SLC2A11: variants seen among roughly 807,000 people sequenced by gnomAD.
SLC2A11 encodes solute carrier family 2 member 11.
In SLC2A11, 43 loss-of-function variants were observed where a neutral mutation model predicts 52.1. That is an observed-to-expected ratio of 0.82 (90% CI 0.65 to 1.06). The LOEUF is 1.06. SLC2A11 is among the 50% of genes least tolerant of loss of function. SLC2A11 has a pLI of 0.00. For missense variants in SLC2A11, 582 were observed against 654.2 expected (o/e 0.89, Z 1.20); for synonymous variants, 261 against 277.6 (o/e 0.94, Z 0.59).
chr22:23,878,210 T>C (rs1338809860), intron 6 of SLC2A11, among the ~76,000 whole-genome samples: 1 of 152,254 alleles, frequency 6.6e-6, no homozygotes, highest in African/African-American at 2.4e-5. Context: ...CAGTTAACTT[T>C]GGCTACAGTA....
At chr22:23,863,954 G>C (rs1429405247) in intron 2 of SLC2A11, among the ~76,000 whole-genome samples, 1 of 152,010 alleles carries the variant, frequency 6.6e-6, no homozygotes, top group East Asian at 1.9e-4. Context: ...ATACCCAGAT[G>C]GGGAGCTGCT....
At chr22:23,857,366 A>T, upstream of SLC2A11, 1 of 1,476,836 alleles carries the variant, frequency 6.8e-7, no homozygotes, top group Non-Finnish European at 9.3e-7. Context: ...TGCGAGGGCG[A>T]ATGCAGGGGC....
At chr22:23,883,615 T>C in intron 8 of SLC2A11, 157 bp from the exon 9 acceptor site, 2 of 592,870 alleles carry the variant, frequency 3.4e-6, no homozygotes, top group South Asian at 2.9e-5. Context: ...GGTGATTGAT[T>C]GACCAAGTTC....
chr22:23,857,729 A>C, upstream of SLC2A11: 1 of 1,260,028 alleles, frequency 7.9e-7, no homozygotes, highest in Non-Finnish European at 1.1e-6. Context: ...CCTGAGCTTG[A>C]GTCTCAGGCC....
chr22:23,857,742 A>C, upstream of SLC2A11: 1 of 1,297,680 alleles, frequency 7.7e-7, no homozygotes, highest in Non-Finnish European at 1.0e-6. Context: ...CTCAGGCCTT[A>C]GTCCCGGCCA....
chr22:23,869,957 T>C, intron 3 of SLC2A11: 1 of 717,348 alleles, frequency 1.4e-6, no homozygotes, highest in Non-Finnish European at 2.6e-6. Context: ...TATAAAGCAC[T>C]AGTCCCATCA....
Position 23,877,350 on chromosome 22 carries a change from C to T in SLC2A11, c.545+179C>T, listed in dbSNP as rs1425637889. 24 of 1,036,158 alleles carry T rather than the reference C, an allele frequency of 2.3e-5. No individual in the cohort carries two copies. The South Asian group carries it at 2.6e-4, about 11-fold the overall frequency. The allele number at this position is 1,036,158 out of a possible 1,614,324, so 64.2% of individuals were successfully genotyped here. ...CACGAAATGGGTATCAGTCAACACACTGCAATGTGAATCACCTTTTCCCAT... is the reference window on the plus strand; with the variant it reads ...CACGAAATGGGTATCAGTCAACACATTGCAATGTGAATCACCTTTTCCCAT... On this transcript the variant is annotated intron_variant, in intron 5 of 11. Transcript: ENST00000316185.
At chr22:23,857,523 C>G (rs759570060), upstream of SLC2A11, 17 of 1,613,170 alleles carry the variant, frequency 1.1e-5, no homozygotes, top group Non-Finnish European at 9.3e-6. Context: ...CTTACGGCCT[C>G]GGACGCAGGT....
intron 3 of SLC2A11, 90 bp from the exon 4 acceptor site, chr22:23,875,027 G>A: frequency 5.1e-6 from 7 of 1,364,256 alleles, no homozygotes; most frequent in Non-Finnish European, 5.7e-6. Context: ...TCTAATTAAG[G>A]CTTGTTACAG....
chr22:23,862,323 C>A, intron 2 of SLC2A11, 121 bp downstream of exon 2: 1 of 891,648 alleles, frequency 1.1e-6, no homozygotes, highest in Non-Finnish European at 1.8e-6. Context: ...AGTTTGTCTC[C>A]ATTGGGTTGG....
chr22:23,861,350 G>A (rs2032059947), intron 1 of SLC2A11, among the ~76,000 whole-genome samples: 1 of 147,884 alleles, frequency 6.8e-6, no homozygotes, highest in Non-Finnish European at 1.5e-5. Flanking sequence ...AAAGGATGAG[G>A]CATCAGGGAT....
chr22:23,863,607 G>GTT (rs1568985269), intron 2 of SLC2A11, among the ~76,000 whole-genome samples: 43 of 113,192 alleles, frequency 3.8e-4, no homozygotes, highest in Admixed American at 5.5e-4. Flanking sequence ...CTCTCTCTCT[G>GTT]GTTTTTTTTT....
At chr22:23,877,225 G>T (rs557138255) in intron 5 of SLC2A11, 54 bp downstream of exon 5, 1 of 1,572,926 alleles carries the variant, frequency 6.4e-7, no homozygotes, top group South Asian at 1.2e-5. Context: ...CAGTAAAAGC[G>T]TTTCTTCACC....
intron 3 of SLC2A11, 87 bp downstream of exon 3, chr22:23,868,728 C>A: frequency 1.3e-6 from 2 of 1,516,498 alleles, no homozygotes; most frequent in Non-Finnish European, 1.8e-6. Flanking sequence ...AAGGAAGAGG[C>A]CCGGCAAGCT....
chr22:23,859,153 T>A (rs2031964172), intron 1 of SLC2A11, among the ~76,000 whole-genome samples: 1 of 152,230 alleles, frequency 6.6e-6, no homozygotes, highest in Non-Finnish European at 1.5e-5. Context: ...ACATCTGCTG[T>A]CTTAAGGGAG....
intron 1 of SLC2A11, among the ~76,000 whole-genome samples, chr22:23,860,296 C>T (rs963993425): frequency 6.6e-6 from 1 of 152,044 alleles, no homozygotes; most frequent in African/African-American, 2.4e-5. Context: ...TGCCTGTAGT[C>T]CCAGCTACTT....
At position 23,862,007 on chromosome 22, in the gene SLC2A11, G is replaced by A. The variant is rs1015194763; in HGVS notation, c.31-97G>A. 4.0e-6 allele frequency: 4 copies of A among 1,004,552 alleles called. No individual in the cohort carries two copies. In the African/African-American group the frequency reaches 4.8e-5, roughly 12 times the overall value. 62.2% of individuals were successfully genotyped at this position (1,004,552 alleles called of 1,614,324 possible). A position where few individuals can be genotyped will look rare whatever the true frequency, so the allele number is the denominator to read the frequency against. ...CTGCAAAGTGGAGACATCACTGCCT[G>A]ATTCAAATAAATTGCAATGCTGTGA... On this transcript the variant is annotated intron_variant, in intron 1 of 11. Coordinates refer to ENST00000316185, the MANE Select transcript of SLC2A11 (RefSeq NM_001024939.4).
In SLC2A11 at chr22:23,884,893, C is replaced by G; in HGVS notation, c.*44C>G. On this transcript the variant is annotated 3_prime_UTR_variant, in exon 12 of 12. Transcript: ENST00000316185. This position sits in a 1 kb window ranked among gnomAD's most constrained non-coding sequence, Gnocchi z 4.3. ...AGCCAAAGCCAGCTACTGTCCTGTC[C>G]TCTGCTTCCTGCCAGGGCCCTGGTC... 2 of 1,548,096 alleles carry G rather than the reference C, an allele frequency of 1.3e-6. No individual in the cohort carries two copies. Among genetic ancestry groups the G allele is most frequent in the Non-Finnish European group, 1.8e-6 (2 of 1,127,242 alleles).
At position 23,883,776 on chromosome 22, in the gene SLC2A11, TG is replaced by T; in HGVS notation, c.1000del (p.Val334Ter). 6.5e-7 allele frequency: 1 copy of T among 1,531,490 alleles called. No individual in the cohort carries two copies. Among genetic ancestry groups the T allele is most frequent in the South Asian group, 1.3e-5 (1 of 77,706 alleles). The allele number at this position is 1,531,490 out of a possible 1,614,324, so 94.9% of individuals were successfully genotyped here. On this transcript the variant is annotated frameshift_variant, in exon 9 of 12. Coordinates refer to ENST00000316185, the MANE Select transcript of SLC2A11 (RefSeq NM_001024939.4). LOFTEE classifies it high-confidence loss of function. The part of the protein sequence containing the change: ...CELLTAVVSC[V>X]VIERVGRRVL... ...CTGTGCTTTCTGCCTTTGCAGTGTG[TG>T]GTAATCGAGAGGGTGGGTCGGCGCG...
Sources: gnomAD v4.1 joint callset for allele counts (sites outside exome capture counted in the v4.1 genomes callset) on GRCh38, gnomAD v4.1.1 for gene constraint, Gnocchi (gnomAD v3.1) non-coding constraint, MANE v1.5 for transcripts, NCBI Gene and HGNC (gene_info 2026-07-23, HGNC 2026-07-21) for gene names.